Variants in HSPB8 observed in about 807,000 individuals in gnomAD.
HSPB8 encodes heat shock protein beta-8.
HSPB8 carries 9 observed loss-of-function variants against 16.5 expected under a neutral mutation model. The observed-to-expected ratio is 0.55, with a 90% CI of 0.33 to 0.95. HSPB8 has a LOEUF of 0.95. HSPB8 is among the 40% of genes least tolerant of loss of function. The pLI is 0.03. For missense variants in HSPB8, 238 were observed against 251.2 expected, an observed-to-expected ratio of 0.95 and a Z score of 0.35; for synonymous variants, 99 against 94.8, an observed-to-expected ratio of 1.04 and a Z score of -0.26.
At chr12:119,188,591 C>A (rs1032569416) in intron 2 of HSPB8, among the ~76,000 whole-genome samples, 1 of 152,216 alleles carries the variant, frequency 6.6e-6, no homozygotes, top group South Asian at 2.1e-4. Flanking sequence ...GCCTTTGCAG[C>A]AAAAGTGTGC....
Position 119,187,049 on chromosome 12 carries a change from A to G in HSPB8, c.392A>G (p.Glu131Gly). The G allele has an allele frequency of 6.2e-7, 1 of 1,614,134 alleles. No homozygotes were observed. Among genetic ancestry groups the G allele is most frequent in the East Asian group, 2.2e-5 (1 of 44,884 alleles). ...GGCAAACATGAAGAGAAACAGCAAG[A>G]AGGTGGCATTGTTTCTAAGAACTTC... is the stretch of plus-strand genomic sequence containing the variant. ...VSGKHEEKQQ[E>G]GGIVSKNFTK... is the part of the protein sequence containing the mutation. Residue 131 changes from glutamate to glycine, a missense_variant, in exon 2 of 3, where the codon GAA (glutamate) becomes GGA (glycine). Coordinates refer to ENST00000281938, the MANE Select transcript of HSPB8 (RefSeq NM_014365.3).
intron 2 of HSPB8, among the ~76,000 whole-genome samples, chr12:119,193,072 A>T (rs1954722329): frequency 6.6e-6 from 1 of 152,216 alleles, no homozygotes; most frequent in African/African-American, 2.4e-5. Context: ...CACATCAGAG[A>T]TACTTAGGGT....
intron 2 of HSPB8, among the ~76,000 whole-genome samples, chr12:119,187,944 A>G (rs987045367): frequency 6.6e-6 from 1 of 152,200 alleles, no homozygotes; most frequent in Non-Finnish European, 1.5e-5. Context: ...GGAGGCTGAG[A>G]CACTGGGACA....
intron 2 of HSPB8, 105 bp from the exon 3 acceptor site, chr12:119,193,594 C>T (rs1954725278): frequency 1.6e-6 from 2 of 1,241,140 alleles, no homozygotes; most frequent in African/African-American, 3.0e-5. Context: ...ATTGTATGTC[C>T]CCAAAGCCTA....
At position 119,187,179 on chromosome 12, in the gene HSPB8, T is replaced by G. The variant is rs78144990; in HGVS notation, c.431+91T>G. The G allele has an allele frequency of 5.3e-4, 552 of 1,040,596 alleles. 3 individuals are homozygous for G. The East Asian group carries it at 0.012, about 22-fold the overall frequency. 64.5% of individuals were successfully genotyped at this position (1,040,596 alleles called of 1,614,324 possible). On this transcript the variant is annotated intron_variant, in intron 2 of 2. Coordinates refer to ENST00000281938, the MANE Select transcript of HSPB8 (RefSeq NM_014365.3). ...ATCTGGGGTCTCTCCCTCTTGGGCATCTCTCTTTTAAGACACCTCCTTGGG... is the reference window on the plus strand; with the variant it reads ...ATCTGGGGTCTCTCCCTCTTGGGCAGCTCTCTTTTAAGACACCTCCTTGGG...
Position 119,186,952 on chromosome 12 carries a change from G to T in HSPB8, c.368-73G>T, listed in dbSNP as rs1271503934. 3.5e-6 allele frequency: 5 copies of T among 1,436,098 alleles called. No individual in the cohort carries two copies. In the Admixed American group the frequency reaches 5.0e-5, roughly 14 times the overall value. The allele number at this position is 1,436,098 out of a possible 1,614,324, so 89.0% of individuals were successfully genotyped here. A position where few individuals can be genotyped will look rare whatever the true frequency, so the allele number is the denominator to read the frequency against. On this transcript the variant is annotated intron_variant, in intron 1 of 2. Coordinates refer to ENST00000281938, the MANE Select transcript of HSPB8 (RefSeq NM_014365.3). ...CAAGGCAGGTCCAGGGCCAGGATTT[G>T]AACCCAAGCCTCAGTCCTGAAGGAT...
intron 1 of HSPB8, among the ~76,000 whole-genome samples, chr12:119,186,612 C>T (rs1159307663): frequency 2.0e-5 from 3 of 152,144 alleles, no homozygotes; most frequent in South Asian, 2.1e-4. Context: ...CATGTGACCC[C>T]GCTTCAAGCC....
Position 119,193,870 on chromosome 12 carries a change from T to A in HSPB8, c.*12T>A. 1 of 1,614,002 alleles carries A rather than the reference T, an allele frequency of 6.2e-7. No homozygotes were observed. Among genetic ancestry groups the A allele is most frequent in the Non-Finnish European group, 8.5e-7 (1 of 1,179,902 alleles). ...TCACCTGTACCTGAGATGCCAGTAC[T>A]GGCCCATCCTTGTTTTGTCCCCAAC... On this transcript the variant is annotated 3_prime_UTR_variant, in exon 3 of 3. Transcript: ENST00000281938.
At chr12:119,192,014 C>T (rs1232549448) in intron 2 of HSPB8, among the ~76,000 whole-genome samples, 1 of 152,110 alleles carries the variant, frequency 6.6e-6, no homozygotes, top group Non-Finnish European at 1.5e-5. Context: ...GTACCTGGCA[C>T]ATAGAAAGTA....
chr12:119,183,566 A>G (rs1001933443), intron 1 of HSPB8, among the ~76,000 whole-genome samples: 3 of 152,246 alleles, frequency 2.0e-5, no homozygotes, highest in Non-Finnish European at 4.4e-5. Context: ...CTCTGGATGT[A>G]TTTCTAAAAA....
chr12:119,183,866 G>A (rs1488103875), intron 1 of HSPB8, among the ~76,000 whole-genome samples: 1 of 152,128 alleles, frequency 6.6e-6, no homozygotes, highest in African/African-American at 2.4e-5. Flanking sequence ...GCAGACAGAG[G>A]CACCTAGTTT....
intron 1 of HSPB8, among the ~76,000 whole-genome samples, chr12:119,185,549 G>T (rs1251071951): frequency 2.0e-5 from 3 of 152,026 alleles, no homozygotes; most frequent in South Asian, 2.1e-4. Flanking sequence ...GGCCAGGAAG[G>T]TCTCGATCTC....
chr12:119,182,497 G>T (rs986318803), intron 1 of HSPB8, among the ~76,000 whole-genome samples: 1 of 152,074 alleles, frequency 6.6e-6, no homozygotes, highest in African/African-American at 2.4e-5. Flanking sequence ...AATTAGCCGG[G>T]TGTGGTGGTG....
At chr12:119,186,194 G>A (rs959871437) in intron 1 of HSPB8, among the ~76,000 whole-genome samples, 1 of 152,216 alleles carries the variant, frequency 6.6e-6, no homozygotes, top group Non-Finnish European at 1.5e-5. Context: ...CCTCCCTGAG[G>A]GGGTTGGGAA....
intron 1 of HSPB8, among the ~76,000 whole-genome samples, chr12:119,184,895 T>C (rs1375457884): frequency 6.6e-6 from 1 of 152,208 alleles, no homozygotes; most frequent in Non-Finnish European, 1.5e-5. Context: ...TTAAAAATTA[T>C]GTTGTCAAAG....
rs778835945 is a variant in HSPB8 at position 119,194,013 on chromosome 12, G to C, written c.*155G>C. ...CCACAGATTCCCTGGATAGTGTAGT[G>C]GTAGATTTCTCCACAGGATAGCGCA... On this transcript the variant is annotated 3_prime_UTR_variant, in exon 3 of 3. Transcript: ENST00000281938. 4.0e-5 allele frequency: 33 copies of C among 822,786 alleles called. No homozygotes were observed. Among genetic ancestry groups the C allele is most frequent in the Non-Finnish European group, 5.7e-5 (28 of 491,102 alleles). 51.0% of individuals were successfully genotyped at this position (822,786 alleles called of 1,614,324 possible). A position where few individuals can be genotyped will look rare whatever the true frequency, so the allele number is the denominator to read the frequency against.
chr12:119,188,546 C>G (rs963910452), intron 2 of HSPB8, among the ~76,000 whole-genome samples: 2 of 152,128 alleles, frequency 1.3e-5, no homozygotes, highest in African/African-American at 4.8e-5. Flanking sequence ...CTGCGCCTGG[C>G]CCCTAAACTC....
At chr12:119,181,512 G>C (rs1173663452) in intron 1 of HSPB8, among the ~76,000 whole-genome samples, 1 of 152,158 alleles carries the variant, frequency 6.6e-6, no homozygotes, top group East Asian at 1.9e-4. Flanking sequence ...GGGTAGGTTG[G>C]CCCTAAACAG....
At chr12:119,180,929 G>C (rs556079050) in intron 1 of HSPB8, among the ~76,000 whole-genome samples, 16 of 152,298 alleles carry the variant, frequency 1.1e-4, no homozygotes, top group African/African-American at 3.9e-4. Context: ...CTGGGGCCAC[G>C]TGCTGATGAC....
Sources: gnomAD v4.1 joint callset for allele counts (sites outside exome capture counted in the v4.1 genomes callset) on GRCh38, gnomAD v4.1.1 for gene constraint, MANE v1.5 for transcripts, NCBI Gene and HGNC (gene_info 2026-07-23, HGNC 2026-07-21) for gene names.